The following GALR1 variants were observed in gnomAD, a reference collection of about 807,000 sequenced individuals.
The protein encoded by GALR1 is galanin receptor 1.
Under a neutral mutation model 17.9 loss-of-function variants are expected in GALR1, and 11 were observed. The observed-to-expected ratio is 0.62, with a 90% CI of 0.39 to 1.02. GALR1 has a LOEUF of 1.02. Among genes scored for constraint, GALR1 ranks in the 50% least tolerant of loss-of-function variants. The probability of loss-of-function intolerance (pLI) is 0.01; values close to 1 mark genes in which losing one functional copy is unlikely to be tolerated. For missense variants in GALR1, 441 were observed against 456.9 expected (o/e 0.97, Z 0.32); for synonymous variants, 206 against 205.7 (o/e 1.00, Z -0.01).
At chr18:77,254,351 T>C (rs1345434174) in intron 1 of GALR1, among the ~76,000 whole-genome samples, 4 of 152,208 alleles carry the variant, frequency 2.6e-5, no homozygotes, top group Non-Finnish European at 5.9e-5. Flanking sequence ...CTAATAAAAA[T>C]AGACTTGAGT....
In GALR1 at chr18:77,275,601, C is replaced by T. The variant is rs1913140528; in HGVS notation, c.*6699C>T. 6.6e-6 allele frequency: 1 copy of T among 152,126 alleles called. No individual in the cohort carries two copies. Among genetic ancestry groups the T allele is most frequent in the African/African-American group, 2.4e-5 (1 of 41,406 alleles). The allele number at this position is 152,126 out of a possible 1,614,324, so 9.4% of individuals were successfully genotyped here. On this transcript the variant is annotated 3_prime_UTR_variant, in exon 3 of 3. Transcript: ENST00000299727. ...TCTCTGTTTAGAAATAGCAAAGATC[C>T]AAGAAAGCAGAAGAGTGGGGGTGGG...
Position 77,250,630 on chromosome 18 carries a change from G to C in GALR1, c.82G>C (p.Gly28Arg). 6.3e-7 allele frequency: 1 copy of C among 1,592,886 alleles called. No homozygotes were observed. Among genetic ancestry groups the C allele is most frequent in the Non-Finnish European group, 8.5e-7 (1 of 1,171,758 alleles). Residue 28 changes from glycine (G) to arginine (R), a missense_variant, in exon 1 of 3, where the codon GGC becomes CGC. Coordinates refer to ENST00000299727, the MANE Select transcript of GALR1 (RefSeq NM_001480.4). ...CGCCCCGGAGCCCGGGCCGCTGTTCGGCATCGGCGTGGAGAACTTCGTCAC... is the reference window on the plus strand; with the variant it reads ...CGCCCCGGAGCCCGGGCCGCTGTTCCGCATCGGCGTGGAGAACTTCGTCAC... ...PPAPEPGPLF[G>R]IGVENFVTLV...
chr18:77,258,431 A>G (rs994977982), intron 2 of GALR1, among the ~76,000 whole-genome samples: 3 of 151,806 alleles, frequency 2.0e-5, no homozygotes, highest in African/African-American at 7.3e-5. Context: ...CACAGAATAA[A>G]TAAATGTGGT....
Position 77,256,202 on chromosome 18 carries a change from G to A in GALR1, c.711G>A (p.Lys237=). The A allele has an allele frequency of 6.3e-7, 1 of 1,590,526 alleles. No homozygotes were observed. The change falls in exon 2 of 3, where the codon AAG becomes AAA. Residue 237 remains lysine (K), a synonymous_variant. Transcript: ENST00000299727. ...AAAAGTTGAAGAACATGTCAAAGAA[G>A]TCTGAAGCATCCAAGAAAAAGGTAA... ...LHKKLKNMSK[K]SEASKKKTAQ...
At chr18:77,263,783 C>T (rs1290034866) in intron 2 of GALR1, among the ~76,000 whole-genome samples, 2 of 152,104 alleles carry the variant, frequency 1.3e-5, no homozygotes, top group African/African-American at 4.8e-5. Context: ...GCATCTCATG[C>T]GTTATAGTCT....
At chr18:77,253,115 G>T (rs191182195) in intron 1 of GALR1, among the ~76,000 whole-genome samples, 71 of 150,648 alleles carry the variant, frequency 4.7e-4, no homozygotes, top group African/African-American at 1.7e-3. Flanking sequence ...TTGGAAAATG[G>T]CTGGTTTATT....
intron 2 of GALR1, among the ~76,000 whole-genome samples, chr18:77,261,966 C>A (rs1217758449): frequency 6.6e-6 from 1 of 152,080 alleles, no homozygotes; most frequent in Non-Finnish European, 1.5e-5. Flanking sequence ...TGGGACTACA[C>A]GTGCACACTG....
chr18:77,255,166 C>T (rs1286140781), intron 1 of GALR1, among the ~76,000 whole-genome samples: 1 of 152,198 alleles, frequency 6.6e-6, no homozygotes, highest in African/African-American at 2.4e-5. Flanking sequence ...CTCTAAAGCA[C>T]TTAGTCGCCC....
At chr18:77,252,998 C>CCACCACCACCACCATCACCACCAT (rs1912499721) in intron 1 of GALR1, among the ~76,000 whole-genome samples, 2 of 56,026 alleles carry the variant, frequency 3.6e-5, no homozygotes, top group African/African-American at 1.4e-4. Context: ...ATCACCACCA[C>CCACCACCACCACCATCACCACCAT]CACCACCACC....
chr18:77,256,356 T>G, intron 2 of GALR1, 133 bp downstream of exon 2: 1 of 571,026 alleles, frequency 1.8e-6, no homozygotes, highest in Non-Finnish European at 3.0e-6. Context: ...AGGTTTGAGA[T>G]GAGCCTCCCA....
At position 77,250,495 on chromosome 18, in the gene GALR1, T is replaced by A; in HGVS notation, c.-54T>A. 7.0e-7 allele frequency: 1 copy of A among 1,421,166 alleles called. No homozygotes were observed. The highest frequency in any genetic ancestry group is 9.1e-7 in the Non-Finnish European group (1 of 1,098,030). 88.0% of individuals were successfully genotyped at this position (1,421,166 alleles called of 1,614,324 possible). ...CCCTGGCCACCCCCGGCGCCTACTATCCCGCCCTCCCTCCCCGCGCGCCCC... is the reference window on the plus strand; with the variant it reads ...CCCTGGCCACCCCCGGCGCCTACTAACCCGCCCTCCCTCCCCGCGCGCCCC... On this transcript the variant is annotated 5_prime_UTR_variant, in exon 1 of 3. Transcript: ENST00000299727.
chr18:77,264,083 G>A lies in GALR1; in HGVS notation c.733-4502G>A, dbSNP rs893481740. Among the ~76,000 whole-genome samples, 8 of 137,640 alleles carry A rather than the reference G, an allele frequency of 5.8e-5. No homozygotes were observed. In the South Asian group the frequency reaches 1.2e-3, roughly 21 times the overall value. 90.3% of individuals were successfully genotyped at this position (137,640 alleles called of 152,430 possible). Reference sequence around the variant, plus strand: ...TGGGAGATGGAGGTTGCAGTGAGCCGAGATTGTGCCACTGCACTCCAGCCT... The same window carrying A: ...TGGGAGATGGAGGTTGCAGTGAGCCAAGATTGTGCCACTGCACTCCAGCCT... On this transcript the variant is annotated intron_variant, in intron 2 of 2. Transcript: ENST00000299727.
At chr18:77,252,950 T>TCACCACCACCAC (rs1912485693) in intron 1 of GALR1, among the ~76,000 whole-genome samples, 16 of 25,270 alleles carry the variant, frequency 6.3e-4, no homozygotes, top group Non-Finnish European at 1.2e-3. Context: ...ACCACCACCA[T>TCACCACCACCAC]CACCACCATC....
In GALR1 at chr18:77,250,893, C is replaced by T; in HGVS notation, c.345C>T (p.Phe115=). The T allele has an allele frequency of 1.2e-6, 2 of 1,608,418 alleles. No homozygotes were observed. Among genetic ancestry groups the T allele is most frequent in the Non-Finnish European group, 1.7e-6 (2 of 1,179,994 alleles). ...TCTGCAAGTTCATCCACTACTTCTTCACCGTGTCCATGCTGGTGAGCATCT... is the reference window on the plus strand; with the variant it reads ...TCTGCAAGTTCATCCACTACTTCTTTACCGTGTCCATGCTGGTGAGCATCT... ...AFICKFIHYF[F]TVSMLVSIFT... The change falls in exon 1 of 3, where the codon TTC becomes TTT. Residue 115 remains phenylalanine (F), a synonymous_variant. Coordinates refer to ENST00000299727, the MANE Select transcript of GALR1 (RefSeq NM_001480.4).
At position 77,250,629 on chromosome 18, in the gene GALR1, C is replaced by T; in HGVS notation, c.81C>T (p.Phe27=). Residue 27 remains phenylalanine (F), a synonymous_variant, in exon 1 of 3, where the codon TTC becomes TTT. Coordinates refer to ENST00000299727, the MANE Select transcript of GALR1 (RefSeq NM_001480.4). ...EPPAPEPGPL[F]GIGVENFVTL... ...CCGCCCCGGAGCCCGGGCCGCTGTT[C>T]GGCATCGGCGTGGAGAACTTCGTCA... 8 of 1,591,588 alleles carry T rather than the reference C, an allele frequency of 5.0e-6. No individual in the cohort carries two copies. The highest frequency in any genetic ancestry group is 6.8e-6 in the Non-Finnish European group (8 of 1,171,100).
At chr18:77,259,908 GA>G (rs1256927490) in intron 2 of GALR1, among the ~76,000 whole-genome samples, 1 of 151,998 alleles carries the variant, frequency 6.6e-6, no homozygotes, top group Non-Finnish European at 1.5e-5. Flanking sequence ...CTGAAGACAG[GA>G]ACTGGGTTGG....
At position 77,255,919 on chromosome 18, in the gene GALR1, C is replaced by T. The variant is rs1299140110; in HGVS notation, c.667-239C>T. On this transcript the variant is annotated intron_variant, in intron 1 of 2. Coordinates refer to ENST00000299727, the MANE Select transcript of GALR1 (RefSeq NM_001480.4). ...CCTGGGCATTCTCTGCAAACAGGTG[C>T]TATGGCTGTGAACTTGTCTGGCTGT... 2.0e-5 allele frequency among the ~76,000 whole-genome samples: 3 copies of T among 152,208 alleles called. No homozygotes were observed. The East Asian group carries it at 5.8e-4, about 29-fold the overall frequency.
rs1913164624 is a variant in GALR1 at position 77,276,698 on chromosome 18, T to C, written c.*7796T>C. On this transcript the variant is annotated 3_prime_UTR_variant, in exon 3 of 3. Coordinates refer to ENST00000299727, the MANE Select transcript of GALR1 (RefSeq NM_001480.4). ...TTTCAGAGCAGATAACCAATCAAAT[T>C]GAGCAGATGGTCTTTTAAAGTCTAA... 1 of 152,222 alleles carries C rather than the reference T, an allele frequency of 6.6e-6. No individual in the cohort carries two copies. Among genetic ancestry groups the C allele is most frequent in the African/African-American group, 2.4e-5 (1 of 41,452 alleles). The allele number at this position is 152,222 out of a possible 1,614,324, so 9.4% of individuals were successfully genotyped here. A position where few individuals can be genotyped will look rare whatever the true frequency, so the allele number is the denominator to read the frequency against.
chr18:77,259,576 A>AGTGATGGTGATGGTGGCGATT (rs1271085141), intron 2 of GALR1, among the ~76,000 whole-genome samples: 3 of 128,580 alleles, frequency 2.3e-5, no homozygotes, highest in East Asian at 2.4e-4. Flanking sequence ...TGGTCATGGC[A>AGTGATGGTGATGGTGGCGATT]GTGATGGTGA....
Sources: allele counts gnomAD v4.1 joint callset (sites outside exome capture counted in the v4.1 genomes callset), GRCh38; gene constraint gnomAD v4.1.1; transcripts MANE v1.5; gene names NCBI Gene and HGNC (gene_info 2026-07-23, HGNC 2026-07-21).